RPS6KA1: variants seen among roughly 807,000 people sequenced by gnomAD.
RPS6KA1 encodes the protein ribosomal protein S6 kinase A1.
In RPS6KA1, 48 loss-of-function variants were observed where a neutral mutation model predicts 91.3. The observed-to-expected ratio is 0.53, with a 90% CI of 0.42 to 0.67. The LOEUF is 0.67. RPS6KA1 is among the 30% of genes least tolerant of loss of function. RPS6KA1 has a pLI of 0.00. For synonymous variants in RPS6KA1, 359 were observed against 384.7 expected (o/e 0.93, Z 0.78); for missense variants, 719 against 960.5 (o/e 0.75, Z 3.32).
chr1:26,574,013 G>C lies in RPS6KA1; in HGVS notation c.2086-66G>C. 2 of 1,569,690 alleles carry C rather than the reference G, an allele frequency of 1.3e-6. No individual in the cohort carries two copies. Among genetic ancestry groups the C allele is most frequent in the Non-Finnish European group, 1.7e-6 (2 of 1,149,828 alleles). On this transcript the variant is annotated intron_variant, in intron 21 of 21. Transcript: ENST00000374168. This position sits in a 1 kb window ranked among gnomAD's most constrained non-coding sequence, Gnocchi z 4.3. ...ACTGAGAGGGGCTGGCCTACCCTTG[G>C]GGCATGGATCCCCTCCCCGCTACAT...
At position 26,557,073 on chromosome 1, in the gene RPS6KA1, A is replaced by G; in HGVS notation, c.1057A>G (p.Thr353Ala). 1.9e-6 allele frequency: 3 copies of G among 1,613,952 alleles called. No homozygotes were observed. Among genetic ancestry groups the G allele is most frequent in the Non-Finnish European group, 2.5e-6 (3 of 1,179,966 alleles). Reference sequence around the variant, plus strand: ...GCCTGATGACACCTTCTACTTTGACACCGAGTTCACGTCCCGCACACCCAA... The same window carrying G: ...GCCTGATGACACCTTCTACTTTGACGCCGAGTTCACGTCCCGCACACCCAA... The part of the protein sequence containing the change: ...AQPDDTFYFD[T>A]EFTSRTPKDS... Residue 353 changes from threonine (T) to alanine (A), a missense_variant, in exon 13 of 22, where the codon ACC (threonine) becomes GCC (alanine). Around this residue, in one of 5 missense-constraint regions of RPS6KA1, gnomAD observed 228 missense variants for 247.6 expected, o/e 0.92. Coordinates refer to ENST00000374168, the MANE Select transcript of RPS6KA1 (RefSeq NM_002953.4).
chr1:26,571,816 C>T lies in RPS6KA1; in HGVS notation c.1753-33C>T, dbSNP rs769914728. The stretch of plus-strand genomic sequence containing the variant: ...TCTGTGGCGACTTTCTACTGCCCCC[C>T]CAGACTGACCACCTCCCCTGCCCTG... On this transcript the variant is annotated intron_variant, in intron 18 of 21. Transcript: ENST00000374168. The surrounding 1 kb of genome is among the most constrained non-coding windows in gnomAD (Gnocchi z 5.1). The T allele has an allele frequency of 2.5e-6, 4 of 1,597,962 alleles. No homozygotes were observed. The highest frequency in any genetic ancestry group is 2.2e-5 in the South Asian group (2 of 90,368).
At chr1:26,530,253 C>A (rs2075858556) in intron 1 of RPS6KA1, among the ~76,000 whole-genome samples, 1 of 152,242 alleles carries the variant, frequency 6.6e-6, no homozygotes, top group Non-Finnish European at 1.5e-5. Context: ...CACCCCACAC[C>A]TAGGACCCGT....
In RPS6KA1 at chr1:26,535,021, T is replaced by C. The variant is rs557336999; in HGVS notation, c.64-1904T>C. Among the ~76,000 whole-genome samples, 5 of 152,252 alleles carry C rather than the reference T, an allele frequency of 3.3e-5. No homozygotes were observed. The East Asian group carries it at 5.8e-4, about 18-fold the overall frequency. ...GATGAGGGTTTGGAGTGGGGAAGGCTGTGGGGCAGGGAGCTGGTGGGTAGG... is the reference window on the plus strand; with the variant it reads ...GATGAGGGTTTGGAGTGGGGAAGGCCGTGGGGCAGGGAGCTGGTGGGTAGG... On this transcript the variant is annotated intron_variant, in intron 1 of 21. Transcript: ENST00000374168.
Position 26,573,331 on chromosome 1 carries a change from G to A in RPS6KA1, c.2055G>A (p.Gln685=). Residue 685 remains glutamine, a synonymous_variant, in exon 21 of 22, where the codon CAG becomes CAA. Coordinates refer to ENST00000374168, the MANE Select transcript of RPS6KA1 (RefSeq NM_002953.4). ...VTQKDKLPQS[Q]LSHQDLQLVK... ...AGAAAGACAAGCTTCCCCAAAGCCA[G>A]CTGTCCCACCAGGACCTACAGCTTG... 6.2e-7 allele frequency: 1 copy of A among 1,614,218 alleles called. No homozygotes were observed. Among genetic ancestry groups the A allele is most frequent in the Non-Finnish European group, 8.5e-7 (1 of 1,180,040 alleles).
Position 26,572,431 on chromosome 1 carries a change from C to T in RPS6KA1, c.1947+138C>T, listed in dbSNP as rs112369521. 4,966 of 643,940 alleles carry T rather than the reference C, an allele frequency of 7.7e-3. 53 individuals carry two copies. Among genetic ancestry groups the T allele is most frequent in the African/African-American group, 0.037 (2,063 of 55,618 alleles). The allele number at this position is 643,940 out of a possible 1,614,324, so 39.9% of individuals were successfully genotyped here. The stretch of plus-strand genomic sequence containing the variant: ...ATCCCTGTTGCTGTATTTCTCCAAG[C>T]GGAAGATTCCCAGGCAGACCACCAC... On this transcript the variant is annotated intron_variant, in intron 20 of 21. Coordinates refer to ENST00000374168, the MANE Select transcript of RPS6KA1 (RefSeq NM_002953.4).
chr1:26,564,146 AAG>A (rs1029823092), intron 17 of RPS6KA1, among the ~76,000 whole-genome samples: 3 of 152,190 alleles, frequency 2.0e-5, no homozygotes, highest in Non-Finnish European at 4.4e-5. Context: ...AAATAAAAAA[AAG>A]AAGGCCAACG....
In RPS6KA1 at chr1:26,571,342, C is replaced by T. The variant is rs1405523865; in HGVS notation, c.1591-107C>T. On this transcript the variant is annotated intron_variant, in intron 17 of 21. Coordinates refer to ENST00000374168, the MANE Select transcript of RPS6KA1 (RefSeq NM_002953.4). This position sits in a 1 kb window ranked among gnomAD's most constrained non-coding sequence, Gnocchi z 5.1. Reference sequence around the variant, plus strand: ...TTCTCTCGGATGCCAAGTCCATGCACCCGTCCCTCTGCACCCTGTCTGTGT... The same window carrying T: ...TTCTCTCGGATGCCAAGTCCATGCATCCGTCCCTCTGCACCCTGTCTGTGT... 8 of 1,046,696 alleles carry T rather than the reference C, an allele frequency of 7.6e-6. No homozygotes were observed. Among genetic ancestry groups the T allele is most frequent in the Admixed American group, 2.1e-5 (1 of 47,554 alleles). 64.8% of individuals were successfully genotyped at this position (1,046,696 alleles called of 1,614,324 possible). A position where few individuals can be genotyped will look rare whatever the true frequency, so the allele number is the denominator to read the frequency against.
rs2076009867 is a variant in RPS6KA1, at chr1:26,547,919, C to G, written c.307+649C>G. On this transcript the variant is annotated intron_variant, in intron 4 of 21. Coordinates refer to ENST00000374168, the MANE Select transcript of RPS6KA1 (RefSeq NM_002953.4). The surrounding 1 kb of genome is among the most constrained non-coding windows in gnomAD (Gnocchi z 4.1). Reference sequence around the variant, plus strand: ...GCGCGGTGGCTCACACCTGTAATCCCAGCACTTTGGGAGGCTGAGGTGGGC... The same window carrying G: ...GCGCGGTGGCTCACACCTGTAATCCGAGCACTTTGGGAGGCTGAGGTGGGC... 6.6e-6 allele frequency among the ~76,000 whole-genome samples: 1 copy of G among 152,130 alleles called. No individual in the cohort carries two copies. The highest frequency in any genetic ancestry group is 2.1e-4 in the South Asian group (1 of 4,830).
intron 17 of RPS6KA1, among the ~76,000 whole-genome samples, chr1:26,566,451 A>AT (rs1272753971): frequency 1.3e-5 from 2 of 151,318 alleles, no homozygotes; most frequent in African/African-American, 2.4e-5. Flanking sequence ...CACCCAGCTA[A>AT]TTTTTTTGTA....
rs567134899 is a variant in RPS6KA1, at chr1:26,555,654, T to A, written c.916+29T>A. 1.3e-6 allele frequency: 2 copies of A among 1,565,456 alleles called. No homozygotes were observed. The highest frequency in any genetic ancestry group is 4.8e-5 in the East Asian group (2 of 42,076). On this transcript the variant is annotated intron_variant, in intron 11 of 21. Coordinates refer to ENST00000374168, the MANE Select transcript of RPS6KA1 (RefSeq NM_002953.4). This position sits in a 1 kb window ranked among gnomAD's most constrained non-coding sequence, Gnocchi z 4.3. ...AGCAGCCCCAGCTCAGGGGAGGGGA[T>A]GTGGCGATGGGGAGCCGGGTACAGC...
intron 17 of RPS6KA1, among the ~76,000 whole-genome samples, chr1:26,570,285 G>A (rs1392696380): frequency 6.6e-6 from 1 of 152,148 alleles, no homozygotes; most frequent in African/African-American, 2.4e-5. Flanking sequence ...AGGGGTTCAA[G>A]AGCAGCCTGG....
chr1:26,559,673 C>T (rs115821777), intron 14 of RPS6KA1, among the ~76,000 whole-genome samples: 376 of 152,120 alleles, frequency 2.5e-3, no homozygotes, highest in African/African-American at 8.5e-3. Context: ...AGCACCTGAC[C>T]AGATAATGGA....
chr1:26,535,996 A>G (rs948207351), intron 1 of RPS6KA1, among the ~76,000 whole-genome samples: 1 of 152,096 alleles, frequency 6.6e-6, no homozygotes, highest in Non-Finnish European at 1.5e-5. Context: ...ACTAAAAAAA[A>G]TACAAAAATT....
In RPS6KA1 at chr1:26,551,689, G is replaced by A. The variant is rs759436200; in HGVS notation, c.434G>A (p.Arg145His). The change falls in exon 6 of 22, where the codon CGT becomes CAT. Residue 145 changes from arginine (R) to histidine (H), a missense_variant. By Grantham distance (29) the Arg-to-His change is conservative. This residue lies in a region of RPS6KA1 where 159 missense variants were observed against 264.5 expected (regional missense o/e 0.60). Coordinates refer to ENST00000374168, the MANE Select transcript of RPS6KA1 (RefSeq NM_002953.4). This position sits in a 1 kb window ranked among gnomAD's most constrained non-coding sequence, Gnocchi z 4.5. ...GKLYLILDFL[R>H]GGDLFTRLSK... Reference sequence around the variant, plus strand: ...CTCTATCTCATTCTGGACTTCCTGCGTGGTGGGGACCTCTTCACCCGGCTC... The same window carrying A: ...CTCTATCTCATTCTGGACTTCCTGCATGGTGGGGACCTCTTCACCCGGCTC... 1.2e-5 allele frequency: 19 copies of A among 1,614,188 alleles called. No individual in the cohort carries two copies. Among genetic ancestry groups the A allele is most frequent in the South Asian group, 6.6e-5 (6 of 91,086 alleles).
chr1:26,552,849 A>T (rs2076065186), intron 6 of RPS6KA1: 2 of 422,542 alleles, frequency 4.7e-6, no homozygotes, highest in South Asian at 3.5e-5. Flanking sequence ...AAAAATATTC[A>T]TGAAGAAGTC....
intron 17 of RPS6KA1, among the ~76,000 whole-genome samples, chr1:26,567,196 AT>A (rs571284476): frequency 2.7e-5 from 4 of 148,862 alleles, no homozygotes; most frequent in South Asian, 4.3e-4. Flanking sequence ...TAATTTTAAA[AT>A]TTTTTTTTTG....
Position 26,551,261 on chromosome 1 carries a change from C to T in RPS6KA1, c.308-136C>T. 2 of 714,290 alleles carry T rather than the reference C, an allele frequency of 2.8e-6. 1 individual carries two copies. The highest frequency in any genetic ancestry group is 3.4e-5 in the South Asian group (2 of 58,198). The allele number at this position is 714,290 out of a possible 1,614,324, so 44.2% of individuals were successfully genotyped here. On this transcript the variant is annotated intron_variant, in intron 4 of 21. Transcript: ENST00000374168. The surrounding 1 kb of genome is among the most constrained non-coding windows in gnomAD (Gnocchi z 4.5). ...GGAGGAAACCTGAGGATTGAGTGTC[C>T]CCAAAGCCCTGGGTGAGGGGGCTTT...
rs776729871 is a variant in RPS6KA1, at chr1:26,561,464, T to G, written c.1432-41T>G. ...CGCTGCTGACCAGGGGGCTCAGGCC[T>G]GACACTGGGGAGAAGAGCCTGATGG... On this transcript the variant is annotated intron_variant, in intron 16 of 21. Transcript: ENST00000374168. The surrounding 1 kb of genome is among the most constrained non-coding windows in gnomAD (Gnocchi z 5.7). The G allele has an allele frequency of 1.9e-5, 31 of 1,613,488 alleles. No individual in the cohort carries two copies. The highest frequency in any genetic ancestry group is 2.0e-5 in the Non-Finnish European group (24 of 1,179,504).
Sources: allele counts gnomAD v4.1 joint callset (sites outside exome capture counted in the v4.1 genomes callset), GRCh38; gene constraint gnomAD v4.1.1; regional missense constraint gnomAD v4.1.1; non-coding constraint Gnocchi (gnomAD v3.1); transcripts MANE v1.5; gene names NCBI Gene and HGNC (gene_info 2026-07-23, HGNC 2026-07-21).